The following IMMP2L variants were observed in gnomAD, a reference collection of about 807,000 sequenced individuals.
IMMP2L encodes the protein inner mitochondrial membrane peptidase subunit 2, also known as mitochondrial inner membrane protease subunit 2.
IMMP2L carries 18 observed loss-of-function variants against 19.3 expected under a neutral mutation model. The observed-to-expected ratio is 0.93, with a 90% CI of 0.64 to 1.38. The LOEUF is 1.38. Ranked by LOEUF, IMMP2L falls within the 40% of genes most tolerant of loss-of-function variation. The probability of loss-of-function intolerance (pLI) is 0.00; values close to 1 mark genes in which losing one functional copy is unlikely to be tolerated. For synonymous variants in IMMP2L, 76 were observed against 73.0 expected (o/e 1.04, Z -0.21); for missense variants, 233 against 218.2 (o/e 1.07, Z -0.43).
chr7:111,233,322 T>C (rs1428397078), intron 3 of IMMP2L, among the ~76,000 whole-genome samples: 1 of 152,170 alleles, frequency 6.6e-6, no homozygotes, highest in African/African-American at 2.4e-5. Context: ...ATCTCATTTT[T>C]AAAATGTCAC....
chr7:111,420,318 T>A (rs932030381), intron 3 of IMMP2L, among the ~76,000 whole-genome samples: 2 of 151,914 alleles, frequency 1.3e-5, no homozygotes, highest in Non-Finnish European at 2.9e-5. Context: ...AATTGAGAGA[T>A]CACAAAAGAA....
chr7:111,438,581 C>G (rs1286742590), intron 3 of IMMP2L, among the ~76,000 whole-genome samples: 1 of 151,856 alleles, frequency 6.6e-6, no homozygotes. Flanking sequence ...TTGATATTGT[C>G]TTATTCACAC....
intron 3 of IMMP2L, among the ~76,000 whole-genome samples, chr7:111,472,676 C>G (rs1038403684): frequency 6.6e-6 from 1 of 152,166 alleles, no homozygotes; most frequent in African/African-American, 2.4e-5. Flanking sequence ...TTCATGCTAA[C>G]TTTCCATGTG....
At chr7:111,328,325 A>T (rs887533561) in intron 3 of IMMP2L, among the ~76,000 whole-genome samples, 1 of 151,914 alleles carries the variant, frequency 6.6e-6, no homozygotes, top group South Asian at 2.1e-4. Context: ...TGCAATTATG[A>T]CATATTACAA....
At chr7:111,349,903 C>T (rs1429434876) in intron 3 of IMMP2L, among the ~76,000 whole-genome samples, 1 of 152,036 alleles carries the variant, frequency 6.6e-6, no homozygotes, top group African/African-American at 2.4e-5. Context: ...CCGACCCACA[C>T]CCAATATCAT....
At chr7:111,063,050 C>T (rs10279604) in intron 3 of IMMP2L, among the ~76,000 whole-genome samples, 1,590 of 152,328 alleles carry the variant, frequency 0.01, 26 homozygotes, top group African/African-American at 0.036. Flanking sequence ...GTGGGGACTC[C>T]CACCTCACAT....
chr7:111,553,122 T>C (rs74982420), intron 1 of IMMP2L, among the ~76,000 whole-genome samples: 4,821 of 152,240 alleles, frequency 0.032, 131 homozygotes, highest in South Asian at 0.078. Context: ...ACAATCATTG[T>C]TGTTTTCAGC....
At chr7:111,509,290 A>G (rs1438325325) in intron 2 of IMMP2L, among the ~76,000 whole-genome samples, 1 of 152,204 alleles carries the variant, frequency 6.6e-6, no homozygotes. Context: ...CAGATTATGT[A>G]ATAAAAAAGG....
intron 3 of IMMP2L, among the ~76,000 whole-genome samples, chr7:111,195,685 T>C (rs903957076): frequency 1.3e-3 from 4 of 3,104 alleles, no homozygotes; most frequent in Admixed American, 0.012. Flanking sequence ...ACCCTATGAG[T>C]TCCTTTTTAT....
intron 3 of IMMP2L, among the ~76,000 whole-genome samples, chr7:111,298,554 AGGCT>A: frequency 6.6e-6 from 1 of 152,218 alleles, no homozygotes; most frequent in African/African-American, 2.4e-5. Flanking sequence ...GTTCAAGACC[AGGCT>A]GGCCAACATG....
chr7:110,802,019 A>G (rs1416142852), intron 5 of IMMP2L, among the ~76,000 whole-genome samples: 1 of 152,058 alleles, frequency 6.6e-6, no homozygotes, highest in Admixed American at 6.6e-5. Context: ...TCCATGAAAT[A>G]CATGGAGCCC....
chr7:110,663,313 A>G lies in IMMP2L; in HGVS notation c.*289T>C. On this transcript the variant is annotated 3_prime_UTR_variant, in exon 6 of 6. Coordinates refer to ENST00000405709, the MANE Select transcript of IMMP2L (RefSeq NM_032549.4). Reference sequence around the variant, plus strand: ...ATATGTAACAAATAATCTGAAATTCAGCCCCATTAAGACATGTGGGTGCAA... The same window carrying G: ...ATATGTAACAAATAATCTGAAATTCGGCCCCATTAAGACATGTGGGTGCAA... The G allele has an allele frequency of 4.1e-6, 1 of 244,636 alleles. No individual in the cohort carries two copies. The highest frequency in any genetic ancestry group is 6.8e-5 in the South Asian group (1 of 14,722). The allele number at this position is 244,636 out of a possible 1,614,324, so 15.2% of individuals were successfully genotyped here. A position where few individuals can be genotyped will look rare whatever the true frequency, so the allele number is the denominator to read the frequency against.
chr7:111,169,164 G>A (rs1425547603), intron 3 of IMMP2L, among the ~76,000 whole-genome samples: 1 of 151,796 alleles, frequency 6.6e-6, no homozygotes, highest in Admixed American at 6.6e-5. Context: ...AGATTTATAG[G>A]AGCATTGTGA....
intron 5 of IMMP2L, among the ~76,000 whole-genome samples, chr7:110,777,310 T>C (rs1799453053): frequency 6.6e-6 from 1 of 151,948 alleles, no homozygotes; most frequent in Admixed American, 6.6e-5. Flanking sequence ...ACACAACTCT[T>C]CTGAGCTATG....
chr7:111,198,715 T>C (rs1586791652), intron 3 of IMMP2L, among the ~76,000 whole-genome samples: 1 of 152,328 alleles, frequency 6.6e-6, no homozygotes, highest in East Asian at 1.9e-4. Context: ...ACTTCCTTTA[T>C]GAAGCATTTT....
In IMMP2L at chr7:110,760,026, C is replaced by T. The variant is rs1008384164; in HGVS notation, c.409-96305G>A. Among the ~76,000 whole-genome samples the T allele has an allele frequency of 6.6e-6, 1 of 152,096 alleles. No individual in the cohort carries two copies. On this transcript the variant is annotated intron_variant, in intron 5 of 5. Coordinates refer to ENST00000405709, the MANE Select transcript of IMMP2L (RefSeq NM_032549.4). The surrounding 1 kb of genome is among the most constrained non-coding windows in gnomAD (Gnocchi z 4.2). ...GAGAAAAAAAGCTTCCTTTTCTCCC[C>T]ACAATGCCAGTTAAGCCTTCCATTT...
chr7:110,761,767 T>C (rs922341491), intron 5 of IMMP2L, among the ~76,000 whole-genome samples: 2 of 152,190 alleles, frequency 1.3e-5, no homozygotes, highest in African/African-American at 4.8e-5. Flanking sequence ...AAACAAACAC[T>C]TAGCTGTTAA....
chr7:111,444,540 A>C, intron 3 of IMMP2L, among the ~76,000 whole-genome samples: 1 of 152,200 alleles, frequency 6.6e-6, no homozygotes, highest in East Asian at 1.9e-4. Flanking sequence ...AGCATTGTTA[A>C]GTGCCTGCAA....
At chr7:110,860,378 A>G (rs914274308) in intron 5 of IMMP2L, among the ~76,000 whole-genome samples, 6 of 152,206 alleles carry the variant, frequency 3.9e-5, no homozygotes, top group Non-Finnish European at 8.8e-5. Context: ...ACATTCTTGG[A>G]GCCCTTAAGA....
Sources: allele counts gnomAD v4.1 joint callset (sites outside exome capture counted in the v4.1 genomes callset), GRCh38; gene constraint gnomAD v4.1.1; non-coding constraint Gnocchi (gnomAD v3.1); transcripts MANE v1.5; gene names NCBI Gene and HGNC (gene_info 2026-07-23, HGNC 2026-07-21).